The following PTGER3 variants were observed in gnomAD, a reference collection of about 807,000 sequenced individuals.
The protein encoded by PTGER3 is prostaglandin E receptor 3.
Under a neutral mutation model 34.7 loss-of-function variants are expected in PTGER3, and 22 were observed. That is an observed-to-expected ratio of 0.63 (90% CI 0.45 to 0.91). PTGER3 has a LOEUF of 0.91. Ranked by LOEUF, PTGER3 falls within the 40% of genes least tolerant of loss-of-function variation. The pLI is 0.00. For synonymous variants in PTGER3, 241 were observed against 230.1 expected (o/e 1.05, Z -0.43); for missense variants, 468 against 519.4 (o/e 0.90, Z 0.96).
intron 4 of PTGER3, among the ~76,000 whole-genome samples, chr1:70,873,002 G>A (rs751535567): frequency 5.9e-5 from 9 of 152,060 alleles, no homozygotes; most frequent in Admixed American, 2.0e-4. Context: ...GGTTCAGGAG[G>A]CATAGCTCCC....
chr1:70,913,750 T>G (rs537550110), intron 4 of PTGER3, among the ~76,000 whole-genome samples: 1 of 152,076 alleles, frequency 6.6e-6, no homozygotes, highest in Admixed American at 6.5e-5. Flanking sequence ...GTGGTTTTTC[T>G]TCTTGAGTCT....
At chr1:71,035,130 T>TA (rs1406822453) in intron 1 of PTGER3, among the ~76,000 whole-genome samples, 4 of 152,218 alleles carry the variant, frequency 2.6e-5, no homozygotes, top group Non-Finnish European at 5.9e-5. Context: ...TCTAGAAAGA[T>TA]ATCAAATATT....
At chr1:70,930,243 G>A (rs773184821) in intron 4 of PTGER3, among the ~76,000 whole-genome samples, 25 of 152,280 alleles carry the variant, frequency 1.6e-4, no homozygotes, top group Admixed American at 4.6e-4. Context: ...AGCAGACTCC[G>A]TCCTACTGAC....
Position 71,025,131 on chromosome 1 carries a change from C to CCCTTCCTTCCTTCCTTCCTTCCTTCCTT in PTGER3, c.898-12675_898-12648dup, listed in dbSNP as rs3044608. On this transcript the variant is annotated intron_variant, in intron 1 of 3. Coordinates refer to ENST00000306666, the MANE Select transcript of PTGER3 (RefSeq NM_198719.2). ...ATTCAATCCTTTTCAAGATTCCAGG[C>CCCTTCCTTCCTTCCTTCCTTCCTTCCTT]CCTTCCTTCCTTCCTTCCTTCCTTC... 3.8e-3 allele frequency among the ~76,000 whole-genome samples: 475 copies of CCCTTCCTTCCTTCCTTCCTTCCTTCCTT among 124,396 alleles called. 5 individuals are homozygous for CCCTTCCTTCCTTCCTTCCTTCCTTCCTT. The highest frequency in any genetic ancestry group is 0.015 in the African/African-American group (458 of 30,900). The allele number at this position is 124,396 out of a possible 152,430, so 81.6% of individuals were successfully genotyped here.
rs183720989 is a variant in PTGER3 at position 70,934,181 on chromosome 1, T to A, written c.*23+19582A>T. On this transcript the variant is annotated intron_variant, in intron 4 of 4. Transcript: ENST00000370931. ...TTAGAAAACTAAACTCGTAATTACCTGGAAAAGGGAACAAATTAGAGCACA... is the reference window on the plus strand; with the variant it reads ...TTAGAAAACTAAACTCGTAATTACCAGGAAAAGGGAACAAATTAGAGCACA... Among the ~76,000 whole-genome samples the A allele has an allele frequency of 6.8e-4, 104 of 152,230 alleles. 1 individual carries two copies. Among genetic ancestry groups the A allele is most frequent in the African/African-American group, 2.4e-3 (98 of 41,538 alleles).
rs1645944052 is a variant in PTGER3, at chr1:70,862,278, G to A, written c.*24-9419C>T. The stretch of plus-strand genomic sequence containing the variant: ...TAAAAAAAAATATTAATAGTAACTG[G>A]TAAGTTCTTTGGAGATCATGACTTA... On this transcript the variant is annotated intron_variant, in intron 4 of 4. Coordinates refer to the PTGER3 transcript ENST00000370931. 5 of 1,231,650 alleles carry A rather than the reference G, an allele frequency of 4.1e-6. No individual in the cohort carries two copies. The South Asian group carries it at 6.6e-5, about 16-fold the overall frequency. The allele number at this position is 1,231,650 out of a possible 1,614,324, so 76.3% of individuals were successfully genotyped here. A position where few individuals can be genotyped will look rare whatever the true frequency, so the allele number is the denominator to read the frequency against.
intron 2 of PTGER3, chr1:71,006,809 G>A (rs1426833651): frequency 1.2e-5 from 12 of 985,234 alleles, no homozygotes; most frequent in Non-Finnish European, 1.3e-5. Flanking sequence ...CATAGTTATA[G>A]GTAAAGTATT....
intron 4 of PTGER3, among the ~76,000 whole-genome samples, chr1:70,854,845 T>C (rs1247571876): frequency 6.6e-6 from 1 of 152,186 alleles, no homozygotes; most frequent in Non-Finnish European, 1.5e-5. Flanking sequence ...TATTGGAATG[T>C]GGAGAAATTG....
intron 4 of PTGER3, among the ~76,000 whole-genome samples, chr1:70,878,871 G>A (rs1646327442): frequency 6.6e-6 from 1 of 152,110 alleles, no homozygotes; most frequent in African/African-American, 2.4e-5. Context: ...TTGGTTTGCT[G>A]AGAATTGCTT....
intron 2 of PTGER3, among the ~76,000 whole-genome samples, chr1:70,996,092 C>T (rs1269104547): frequency 6.6e-6 from 1 of 152,126 alleles, no homozygotes; most frequent in East Asian, 1.9e-4. Flanking sequence ...TCATTGCCTT[C>T]CTTATTGATG....
At chr1:70,981,181 A>G (rs986762267) in intron 2 of PTGER3, among the ~76,000 whole-genome samples, 7 of 152,056 alleles carry the variant, frequency 4.6e-5, no homozygotes, top group Non-Finnish European at 8.8e-5. Flanking sequence ...GTTGATTTTC[A>G]GGATCTTAAT....
chr1:70,871,448 A>G (rs548657633), intron 4 of PTGER3, among the ~76,000 whole-genome samples: 22 of 152,298 alleles, frequency 1.4e-4, no homozygotes, highest in Admixed American at 1.3e-3. Flanking sequence ...TATCCAAACT[A>G]TATAACTGGA....
At chr1:70,922,826 T>G (rs897496876) in intron 4 of PTGER3, among the ~76,000 whole-genome samples, 2 of 152,220 alleles carry the variant, frequency 1.3e-5, no homozygotes, top group Non-Finnish European at 2.9e-5. Context: ...AAAGCTGAAG[T>G]GTTATGCAAG....
exon 4 of PTGER3, chr1:70,953,015 T>G (rs1001801414): frequency 6.2e-7 from 1 of 1,611,912 alleles, no homozygotes. Flanking sequence ...GCCCACAATG[T>G]GCAGTTGCCC....
rs931059381 is a variant in PTGER3, at chr1:70,884,822, C to T, written c.*24-31963G>A. ...ACTTACAGAGATTGGAAACCCTATACAGTCTGCTATAGAATTTTGCATCAT... is the reference window on the plus strand; with the variant it reads ...ACTTACAGAGATTGGAAACCCTATATAGTCTGCTATAGAATTTTGCATCAT... On this transcript the variant is annotated intron_variant, in intron 4 of 4. Transcript: ENST00000370931. Among the ~76,000 whole-genome samples, 3 of 152,310 alleles carry T rather than the reference C, an allele frequency of 2.0e-5. No homozygotes were observed. The South Asian group carries it at 6.2e-4, about 32-fold the overall frequency.
chr1:71,014,637 C>T lies in PTGER3; in HGVS notation c.898-2153G>A, dbSNP rs527597315. 4.6e-5 allele frequency among the ~76,000 whole-genome samples: 7 copies of T among 152,268 alleles called. No homozygotes were observed. The South Asian group carries it at 1.5e-3, about 32-fold the overall frequency. ...GAGGGAGAAGAACCCACAGGTCTCT[C>T]CTTCAGCCATGTGGGGCACAGCAAG... On this transcript the variant is annotated intron_variant, in intron 1 of 3. Transcript: ENST00000306666.
intron 4 of PTGER3, among the ~76,000 whole-genome samples, chr1:70,934,208 A>C (rs761833230): frequency 6.6e-6 from 1 of 152,188 alleles, no homozygotes; most frequent in Non-Finnish European, 1.5e-5. Flanking sequence ...TAGAGCACAC[A>C]CTAAACTACC....
intron 4 of PTGER3, among the ~76,000 whole-genome samples, chr1:70,926,292 T>C (rs1648079308): frequency 6.6e-6 from 1 of 152,218 alleles, no homozygotes; most frequent in Admixed American, 6.5e-5. Context: ...TTTCACGATA[T>C]TGATTCTTGC....
intron 4 of PTGER3, among the ~76,000 whole-genome samples, chr1:70,864,362 G>C (rs974405792): frequency 5.3e-5 from 8 of 152,168 alleles, no homozygotes; most frequent in Admixed American, 6.5e-5. Flanking sequence ...GTTTACAGCA[G>C]TTATCTCTAG....
Sources: allele counts gnomAD v4.1 joint callset (sites outside exome capture counted in the v4.1 genomes callset), GRCh38; gene constraint gnomAD v4.1.1; transcripts MANE v1.5; gene names NCBI Gene and HGNC (gene_info 2026-07-23, HGNC 2026-07-21).